HS6ST3: variants seen among roughly 807,000 people sequenced by gnomAD.
HS6ST3 encodes heparan-sulfate 6-O-sulfotransferase 3.
A neutral mutation model predicts 36.7 loss-of-function variants in HS6ST3; 12 were observed. The ratio of observed to expected loss-of-function variants is 0.33; its 90% CI spans 0.21 to 0.53. The LOEUF is 0.53. Among genes scored for constraint, HS6ST3 ranks in the 20% least tolerant of loss-of-function variants. HS6ST3 has a pLI of 0.95. For synonymous variants in HS6ST3, 240 were observed against 257.5 expected (o/e 0.93, Z 0.65); for missense variants, 584 against 640.9 (o/e 0.91, Z 0.96).
At chr13:96,348,738 A>G (rs1209061026) in intron 1 of HS6ST3, among the ~76,000 whole-genome samples, 1 of 152,182 alleles carries the variant, frequency 6.6e-6, no homozygotes, top group Non-Finnish European at 1.5e-5. Flanking sequence ...TTCCCAAGGC[A>G]CACTTAAAAG....
At chr13:96,787,258 G>A (rs976779144) in intron 1 of HS6ST3, among the ~76,000 whole-genome samples, 2 of 152,016 alleles carry the variant, frequency 1.3e-5, no homozygotes, top group Non-Finnish European at 1.5e-5. Flanking sequence ...AGGATGACTG[G>A]GTCATGTCAT....
intron 1 of HS6ST3, among the ~76,000 whole-genome samples, chr13:96,805,404 T>TG (rs1329741929): frequency 6.6e-6 from 1 of 152,216 alleles, no homozygotes; most frequent in Non-Finnish European, 1.5e-5. Flanking sequence ...TTAAGTTTCC[T>TG]GAGGTCTCCC....
chr13:96,696,998 G>A (rs1875146998), intron 1 of HS6ST3, among the ~76,000 whole-genome samples: 1 of 152,024 alleles, frequency 6.6e-6, no homozygotes, highest in Non-Finnish European at 1.5e-5. Flanking sequence ...CTAAAAAAAA[G>A]CACAGTAGAA....
intron 1 of HS6ST3, among the ~76,000 whole-genome samples, chr13:96,138,551 C>A (rs1057076189): frequency 6.6e-6 from 1 of 151,702 alleles, no homozygotes; most frequent in Non-Finnish European, 1.5e-5. Flanking sequence ...TCACCACAAC[C>A]AAGATGATGA....
chr13:96,516,528 CATT>C (rs1272629363), intron 1 of HS6ST3, among the ~76,000 whole-genome samples: 1 of 152,084 alleles, frequency 6.6e-6, no homozygotes, highest in African/African-American at 2.4e-5. Flanking sequence ...AATAGCAAAA[CATT>C]GTCCCTTCCT....
intron 1 of HS6ST3, among the ~76,000 whole-genome samples, chr13:96,152,574 C>G (rs1175798828): frequency 6.6e-6 from 1 of 151,968 alleles, no homozygotes; most frequent in African/African-American, 2.4e-5. Flanking sequence ...CCTGACCTTG[C>G]GATCCGCCCG....
At chr13:96,502,956 A>G (rs2056011337) in intron 1 of HS6ST3, among the ~76,000 whole-genome samples, 1 of 152,178 alleles carries the variant, frequency 6.6e-6, no homozygotes, top group South Asian at 2.1e-4. Context: ...CCATCTGTCA[A>G]GTGGGAATTC....
At position 96,393,846 on chromosome 13, in the gene HS6ST3, G is replaced by T. The variant is rs148980887; in HGVS notation, c.707+302277G>T. ...TTAGAAGTAAAGCTGTAGGGGTGGG[G>T]TGAGGAAACTGAGCCATCCAGAATT... On this transcript the variant is annotated intron_variant, in intron 1 of 1. Coordinates refer to ENST00000376705, the MANE Select transcript of HS6ST3 (RefSeq NM_153456.4). Among the ~76,000 whole-genome samples, 8 of 152,274 alleles carry T rather than the reference G, an allele frequency of 5.3e-5. No individual in the cohort carries two copies. The East Asian group carries it at 1.5e-3, about 29-fold the overall frequency.
chr13:96,266,327 A>G (rs2139385856), intron 1 of HS6ST3, among the ~76,000 whole-genome samples: 1 of 152,278 alleles, frequency 6.6e-6, no homozygotes, highest in East Asian at 1.9e-4. Flanking sequence ...TGGTGCAGGC[A>G]TTACAATATG....
intron 1 of HS6ST3, among the ~76,000 whole-genome samples, chr13:96,808,126 C>A (rs1203541411): frequency 6.6e-6 from 1 of 152,118 alleles, no homozygotes; most frequent in Non-Finnish European, 1.5e-5. Flanking sequence ...AAAAAAGAGA[C>A]CACTGCCATA....
chr13:96,744,212 A>G (rs1008805662), intron 1 of HS6ST3, among the ~76,000 whole-genome samples: 1 of 152,050 alleles, frequency 6.6e-6, no homozygotes, highest in African/African-American at 2.4e-5. Context: ...TCTTTCCATA[A>G]GGAGTGTAAT....
chr13:96,637,968 A>G (rs369903250), intron 1 of HS6ST3, among the ~76,000 whole-genome samples: 1 of 152,082 alleles, frequency 6.6e-6, no homozygotes, highest in Non-Finnish European at 1.5e-5. Flanking sequence ...TAGCATTCTT[A>G]TATCTTGGGT....
chr13:96,234,519 G>T (rs1265357405), intron 1 of HS6ST3, among the ~76,000 whole-genome samples: 1 of 152,138 alleles, frequency 6.6e-6, no homozygotes, highest in Non-Finnish European at 1.5e-5. Context: ...GTTCCATATG[G>T]CTGGGGAGGC....
intron 1 of HS6ST3, among the ~76,000 whole-genome samples, chr13:96,345,767 G>A (rs1441857973): frequency 6.6e-6 from 1 of 151,960 alleles, no homozygotes; most frequent in East Asian, 1.9e-4. Context: ...TGGCTTCCCT[G>A]GACCACATTG....
At chr13:96,701,611 C>T (rs1308090760) in intron 1 of HS6ST3, among the ~76,000 whole-genome samples, 1 of 151,962 alleles carries the variant, frequency 6.6e-6, no homozygotes, top group Admixed American at 6.6e-5. Flanking sequence ...AAAGGAGTTC[C>T]CATGACAAAA....
At chr13:96,715,845 C>A (rs1252121872) in intron 1 of HS6ST3, among the ~76,000 whole-genome samples, 6 of 152,008 alleles carry the variant, frequency 3.9e-5, no homozygotes, top group Admixed American at 3.3e-4. Flanking sequence ...ATCTTAATTT[C>A]TAATTCCATG....
chr13:96,568,205 C>T (rs1490311148), intron 1 of HS6ST3, among the ~76,000 whole-genome samples: 2 of 152,180 alleles, frequency 1.3e-5, no homozygotes, highest in African/African-American at 4.8e-5. Context: ...AAGATAGTGA[C>T]ATGGTTAGAT....
At chr13:96,119,428 T>C (rs2053914568) in intron 1 of HS6ST3, among the ~76,000 whole-genome samples, 1 of 152,178 alleles carries the variant, frequency 6.6e-6, no homozygotes, top group South Asian at 2.1e-4. Context: ...GATATTGATT[T>C]ACTTTGTAAA....
At chr13:96,729,523 C>T (rs371740029) in intron 1 of HS6ST3, among the ~76,000 whole-genome samples, 14 of 152,120 alleles carry the variant, frequency 9.2e-5, no homozygotes, top group Non-Finnish European at 8.8e-5. Flanking sequence ...GTGGCCCGAT[C>T]GTGGCTCACT....
Sources: allele counts gnomAD v4.1 joint callset (sites outside exome capture counted in the v4.1 genomes callset), GRCh38; gene constraint gnomAD v4.1.1; transcripts MANE v1.5; gene names NCBI Gene and HGNC (gene_info 2026-07-23, HGNC 2026-07-21).